Variants in TGFBR3 observed in about 807,000 individuals in gnomAD.
TGFBR3 encodes transforming growth factor beta receptor type 3.
In TGFBR3, 46 loss-of-function variants were observed where a neutral mutation model predicts 87.9. That is an observed-to-expected ratio of 0.52 (90% CI 0.41 to 0.67). The LOEUF is 0.67. Among genes scored for constraint, TGFBR3 ranks in the 30% least tolerant of loss-of-function variants. The pLI is 0.00. For synonymous variants in TGFBR3, 381 were observed against 391.6 expected (o/e 0.97, Z 0.32); for missense variants, 866 against 1,041.9 (o/e 0.83, Z 2.32).
intron 3 of TGFBR3, among the ~76,000 whole-genome samples, chr1:91,764,317 C>CAAAAAA (rs200776741): frequency 5.2e-5 from 4 of 77,340 alleles, no homozygotes; most frequent in Non-Finnish European, 6.8e-5. Flanking sequence ...ACAAAAGAGA[C>CAAAAAA]AAAAAAAAAA....
Position 91,875,783 on chromosome 1 carries a change from G to T in TGFBR3, c.-114+10095C>A, listed in dbSNP as rs1432911974. ...CACACCTGTAATCCCAGCTACTCGG[G>T]CGGGGGGGGGGGGTGGGAGTGTGCA... On this transcript the variant is annotated intron_variant, in intron 1 of 16. Transcript: ENST00000212355. Among the ~76,000 whole-genome samples, 7 of 16,230 alleles carry T rather than the reference G, an allele frequency of 4.3e-4. 2 individuals carry two copies. Among genetic ancestry groups the T allele is most frequent in the African/African-American group, 1.0e-3 (4 of 3,838 alleles). 10.6% of individuals were successfully genotyped at this position (16,230 alleles called of 152,430 possible).
At chr1:91,781,241 G>A (rs979276025) in intron 3 of TGFBR3, among the ~76,000 whole-genome samples, 1 of 152,138 alleles carries the variant, frequency 6.6e-6, no homozygotes, top group Non-Finnish European at 1.5e-5. Flanking sequence ...CAGTTACTCA[G>A]CAGCAAAAAG....
rs186906474 is a variant in TGFBR3 at position 91,772,081 on chromosome 1, T to C, written c.247-13331A>G. On this transcript the variant is annotated intron_variant, in intron 3 of 16. Coordinates refer to ENST00000212355, the MANE Select transcript of TGFBR3 (RefSeq NM_003243.5). ...AAAAAAGAATAAAGAAGAATGTCGT[T>C]GAAAGGGTACTGGAGCCAGATCACA... is the stretch of plus-strand genomic sequence containing the variant. Among the ~76,000 whole-genome samples, 22 of 152,240 alleles carry C rather than the reference T, an allele frequency of 1.4e-4. No homozygotes were observed. In the East Asian group the frequency reaches 3.5e-3, roughly 24 times the overall value.
chr1:91,840,173 T>A (rs1357754848), intron 2 of TGFBR3, among the ~76,000 whole-genome samples: 3 of 151,206 alleles, frequency 2.0e-5, no homozygotes, highest in Non-Finnish European at 2.9e-5. Flanking sequence ...AATACAAAAA[T>A]TAACTGGGTA....
intron 2 of TGFBR3, among the ~76,000 whole-genome samples, chr1:91,849,887 C>T (rs1364031384): frequency 6.6e-6 from 1 of 151,820 alleles, no homozygotes; most frequent in Non-Finnish European, 1.5e-5. Context: ...TTGAGACCAT[C>T]CTGGCTAACA....
At chr1:91,715,357 C>CAGAG (rs1375229132) in intron 12 of TGFBR3, among the ~76,000 whole-genome samples, 2 of 152,206 alleles carry the variant, frequency 1.3e-5, no homozygotes, top group Non-Finnish European at 2.9e-5. Flanking sequence ...GAAGATCAGT[C>CAGAG]AGAGCTCTGG....
intron 2 of TGFBR3, among the ~76,000 whole-genome samples, chr1:91,893,728 C>A (rs1302705764): frequency 6.6e-6 from 1 of 151,472 alleles, no homozygotes; most frequent in African/African-American, 2.4e-5. Flanking sequence ...AACCAAAAGA[C>A]TTTCTCATAA....
upstream of TGFBR3, among the ~76,000 whole-genome samples, chr1:91,889,353 C>G (rs1679399134): frequency 1.3e-5 from 2 of 152,130 alleles, no homozygotes; most frequent in Non-Finnish European, 2.9e-5. Context: ...CTCACATCCA[C>G]CGACCTCAAA....
In TGFBR3 at chr1:91,716,692, G is replaced by T. The variant is rs760530231; in HGVS notation, c.1583C>A (p.Pro528Gln). 4.1e-5 allele frequency: 66 copies of T among 1,613,904 alleles called. No individual in the cohort carries two copies. Among genetic ancestry groups the T allele is most frequent in the African/African-American group, 2.1e-4 (16 of 74,876 alleles). Residue 528 changes from proline to glutamine, a missense_variant, in exon 11 of 17, where the codon CCA becomes CAA. Coordinates refer to ENST00000212355, the MANE Select transcript of TGFBR3 (RefSeq NM_003243.5). The stretch of plus-strand genomic sequence containing the variant: ...CCAACCACTACTGTCCCCAAGGGCT[G>T]GAACCTGTATCACAATCTAAAAGGC... ...VYYNSIVIQV[P>Q]ALGDSSGWPD...
At position 91,681,181 on chromosome 1, in the gene TGFBR3, T is replaced by C. The variant is rs1670896118; in HGVS notation, c.*2558A>G. ...ATAAAAGTAGAGCTTGTACTTTGTA[T>C]TAAAACTGTAAAGTGTGAAGCAATT... On this transcript the variant is annotated 3_prime_UTR_variant, in exon 17 of 17. Coordinates refer to ENST00000212355, the MANE Select transcript of TGFBR3 (RefSeq NM_003243.5). 4.4e-6 allele frequency: 2 copies of C among 453,714 alleles called. No individual in the cohort carries two copies. The highest frequency in any genetic ancestry group is 8.8e-6 in the Non-Finnish European group (2 of 226,710). The allele number at this position is 453,714 out of a possible 1,614,324, so 28.1% of individuals were successfully genotyped here.
chr1:91,716,602 T>TCTC lies in TGFBR3; in HGVS notation c.1670_1672dup (p.Gly557dup), dbSNP rs1227151577. On this transcript the variant is annotated inframe_insertion, in exon 11 of 17. Coordinates refer to ENST00000212355, the MANE Select transcript of TGFBR3 (RefSeq NM_003243.5). Reference sequence around the variant, plus strand: ...TTCAGGTCGGGTGAACAGGGAAGCATCTCCTTCATCCATATCTCCCGGAAA... The same window carrying TCTC: ...TTCAGGTCGGGTGAACAGGGAAGCATCTCCTCCTTCATCCATATCTCCCGGAAA... 1 of 1,613,902 alleles carries TCTC rather than the reference T, an allele frequency of 6.2e-7. No homozygotes were observed. The highest frequency in any genetic ancestry group is 8.5e-7 in the Non-Finnish European group (1 of 1,180,014).
chr1:91,773,541 C>G (rs1431489646), intron 3 of TGFBR3, among the ~76,000 whole-genome samples: 1 of 152,108 alleles, frequency 6.6e-6, no homozygotes, highest in Non-Finnish European at 1.5e-5. Context: ...ATTAGTTAGG[C>G]TTGGTGGCAG....
chr1:91,868,790 C>T (rs1678477178), intron 1 of TGFBR3, among the ~76,000 whole-genome samples: 1 of 152,200 alleles, frequency 6.6e-6, no homozygotes, highest in Non-Finnish European at 1.5e-5. Flanking sequence ...CTTTTGATAG[C>T]CTGGACAACA....
chr1:91,731,747 C>A lies in TGFBR3; in HGVS notation c.569-1774G>T, dbSNP rs575376155. Among the ~76,000 whole-genome samples, 24 of 152,300 alleles carry A rather than the reference C, an allele frequency of 1.6e-4. No individual in the cohort carries two copies. In the South Asian group the frequency reaches 5.0e-3, roughly 32 times the overall value. On this transcript the variant is annotated intron_variant, in intron 5 of 16. Transcript: ENST00000212355. ...GTTCATAGGTGTGCCTGGCTTGTAT[C>A]TGGCACATAGTGGGCATATGGTATA...
At chr1:91,891,029 C>G (rs1158502781), upstream of TGFBR3, among the ~76,000 whole-genome samples, 1 of 151,856 alleles carries the variant, frequency 6.6e-6, no homozygotes. Flanking sequence ...TCCTAAGTAG[C>G]TGGGAATACA....
chr1:91,752,949 C>T (rs1377456815), intron 4 of TGFBR3, among the ~76,000 whole-genome samples: 1 of 150,804 alleles, frequency 6.6e-6, no homozygotes, highest in African/African-American at 2.4e-5. Context: ...ATGGTTTGAG[C>T]CCAGGCAGCA....
chr1:91,844,610 A>T (rs1332837739), intron 2 of TGFBR3, among the ~76,000 whole-genome samples: 2 of 152,230 alleles, frequency 1.3e-5, no homozygotes, highest in Non-Finnish European at 2.9e-5. Flanking sequence ...TTTTAAATGC[A>T]AATAACCATA....
rs1252875259 is a variant in TGFBR3, at chr1:91,716,565, T to C, written c.1707+3A>G. 3.1e-6 allele frequency: 5 copies of C among 1,613,926 alleles called. No homozygotes were observed. Among genetic ancestry groups the C allele is most frequent in the Non-Finnish European group, 4.2e-6 (5 of 1,180,024 alleles). On this transcript the variant is annotated splice_donor_region_variant and intron_variant, in intron 11 of 16. Transcript: ENST00000212355. ...AAACCCCCTACTGATAACAAACACA[T>C]ACCACCACGATTTCAGGTCGGGTGA...
Position 91,766,899 on chromosome 1 carries a change from T to TC in TGFBR3, c.247-8150dup, listed in dbSNP as rs1406965951. 2.3e-5 allele frequency among the ~76,000 whole-genome samples: 3 copies of TC among 132,680 alleles called. 1 individual carries two copies. The highest frequency in any genetic ancestry group is 8.5e-5 in the African/African-American group (3 of 35,244). 87.0% of individuals were successfully genotyped at this position (132,680 alleles called of 152,430 possible). A position where few individuals can be genotyped will look rare whatever the true frequency, so the allele number is the denominator to read the frequency against. On this transcript the variant is annotated intron_variant, in intron 3 of 16. Transcript: ENST00000212355. ...TCAGCATGAGAACACAGTTTCTTCA[T>TC]CCCCCTGTCCCACGACTTTACCCTG... is the stretch of plus-strand genomic sequence containing the variant.
Sources: allele counts gnomAD v4.1 joint callset (sites outside exome capture counted in the v4.1 genomes callset), GRCh38; gene constraint gnomAD v4.1.1; transcripts MANE v1.5; gene names NCBI Gene and HGNC (gene_info 2026-07-23, HGNC 2026-07-21).